The following PCDHA13 variants were observed in gnomAD, a reference collection of about 807,000 sequenced individuals.
PCDHA13 encodes the protein protocadherin alpha-13.
A neutral mutation model predicts 64.8 loss-of-function variants in PCDHA13; 54 were observed. The ratio of observed to expected loss-of-function variants is 0.83; its 90% CI spans 0.67 to 1.04. The LOEUF is 1.04. Ranked by LOEUF, PCDHA13 falls within the 50% of genes least tolerant of loss-of-function variation. The probability of loss-of-function intolerance (pLI) is 0.00; values close to 1 mark genes in which losing one functional copy is unlikely to be tolerated. For synonymous variants in PCDHA13, 587 were observed against 564.4 expected (o/e 1.04, Z -0.57); for missense variants, 1,248 against 1,254.3 (o/e 0.99, Z 0.08).
chr5:140,976,556 T>G (rs2096722872), intron 1 of PCDHA13, among the ~76,000 whole-genome samples: 1 of 151,920 alleles, frequency 6.6e-6, no homozygotes, highest in African/African-American at 2.4e-5. Flanking sequence ...ATCTCATAAA[T>G]AAATAAATAA....
In PCDHA13 at chr5:140,901,962, G is replaced by A. The variant is rs148280805; in HGVS notation, c.2394+17300G>A. The stretch of plus-strand genomic sequence containing the variant: ...ATATTTAGTTTTATTCGTGGCTATC[G>A]TAAATGGGATTACTTTTTAATTTCA... On this transcript the variant is annotated intron_variant, in intron 1 of 3. Coordinates refer to ENST00000289272, the MANE Select transcript of PCDHA13 (RefSeq NM_018904.3). Among the ~76,000 whole-genome samples, 1,226 of 152,004 alleles carry A rather than the reference G, an allele frequency of 8.1e-3. 6 individuals carry two copies. The highest frequency in any genetic ancestry group is 0.019 in the African/African-American group (785 of 41,468).
intron 1 of PCDHA13, chr5:140,927,229 C>G (rs781833160): frequency 1.2e-6 from 2 of 1,614,008 alleles, no homozygotes; most frequent in African/African-American, 1.3e-5. Context: ...GATTCGGATT[C>G]ACGTCCTGGA....
At chr5:141,003,053 C>T (rs1554258899) in intron 3 of PCDHA13, among the ~76,000 whole-genome samples, 3 of 152,206 alleles carry the variant, frequency 2.0e-5, no homozygotes, top group African/African-American at 7.2e-5. Flanking sequence ...CTTAACAGAA[C>T]AGTTCCAAAT....
intron 3 of PCDHA13, among the ~76,000 whole-genome samples, chr5:140,999,234 G>T (rs1327126129): frequency 1.3e-5 from 2 of 152,232 alleles, no homozygotes; most frequent in African/African-American, 4.8e-5. Context: ...AGAATAGGTG[G>T]TTAAAGTGGG....
At chr5:140,919,124 A>G (rs1195742790) in intron 1 of PCDHA13, among the ~76,000 whole-genome samples, 1 of 151,996 alleles carries the variant, frequency 6.6e-6, no homozygotes, top group Non-Finnish European at 1.5e-5. Flanking sequence ...TTTTTGCTTC[A>G]TGTGTTTTGG....
intron 1 of PCDHA13, among the ~76,000 whole-genome samples, chr5:140,952,596 GTT>G (rs1246642070): frequency 6.6e-6 from 1 of 152,136 alleles, no homozygotes; most frequent in Non-Finnish European, 1.5e-5. Flanking sequence ...TCTCTAGGAA[GTT>G]CTAAGCTCTC....
intron 3 of PCDHA13, 116 bp downstream of exon 3, chr5:140,982,679 C>T: frequency 7.0e-7 from 1 of 1,436,546 alleles, no homozygotes; most frequent in Non-Finnish European, 9.2e-7. Flanking sequence ...TTGTTATTCC[C>T]TTTTTTCCAT....
chr5:140,967,775 G>A, intron 1 of PCDHA13: 2 of 1,614,200 alleles, frequency 1.2e-6, no homozygotes, highest in South Asian at 2.2e-5. Context: ...CTATGTGCAG[G>A]CGACTGACCG....
intron 1 of PCDHA13, among the ~76,000 whole-genome samples, chr5:140,934,783 A>C (rs2090034582): frequency 6.6e-6 from 1 of 152,180 alleles, no homozygotes; most frequent in Non-Finnish European, 1.5e-5. Context: ...GGCCCAATCC[A>C]TGTCAATTAT....
At chr5:140,911,271 C>G (rs2075400243) in intron 1 of PCDHA13, among the ~76,000 whole-genome samples, 1 of 152,072 alleles carries the variant, frequency 6.6e-6, no homozygotes, top group Non-Finnish European at 1.5e-5. Flanking sequence ...TCTCAGTGTC[C>G]CCAGCTTCAT....
At chr5:140,962,665 C>T (rs1457197885) in intron 1 of PCDHA13, among the ~76,000 whole-genome samples, 1 of 152,146 alleles carries the variant, frequency 6.6e-6, no homozygotes, top group African/African-American at 2.4e-5. Flanking sequence ...TTTTCATCTT[C>T]CCATCCACTG....
At chr5:141,007,019 A>G (rs1230035062) in intron 3 of PCDHA13, among the ~76,000 whole-genome samples, 1 of 152,192 alleles carries the variant, frequency 6.6e-6, no homozygotes, top group African/African-American at 2.4e-5. Flanking sequence ...CAGCTTATTC[A>G]TATGGTATTT....
intron 1 of PCDHA13, among the ~76,000 whole-genome samples, chr5:140,898,214 T>C (rs1285649893): frequency 1.3e-5 from 2 of 152,238 alleles, no homozygotes; most frequent in African/African-American, 4.8e-5. Flanking sequence ...TTTGTCAATT[T>C]TGGCTTTTGT....
intron 1 of PCDHA13, among the ~76,000 whole-genome samples, chr5:140,952,559 G>A (rs1185999097): frequency 6.6e-6 from 1 of 152,108 alleles, no homozygotes; most frequent in Non-Finnish European, 1.5e-5. Flanking sequence ...TTCACTATCA[G>A]CACTTCGGTC....
chr5:140,883,245 G>C lies in PCDHA13; in HGVS notation c.977G>C (p.Gly326Ala). 1 of 1,614,016 alleles carries C rather than the reference G, an allele frequency of 6.2e-7. No homozygotes were observed. Among genetic ancestry groups the C allele is most frequent in the South Asian group, 1.1e-5 (1 of 91,076 alleles). Reference protein sequence around the residue: ...YEISVEAVDKGNIPMAGHCTL... With the variant: ...YEISVEAVDKANIPMAGHCTL... ...ATATCCGTGGAGGCAGTTGACAAAG[G>C]AAATATTCCAATGGCGGGTCATTGT... The change falls in exon 1 of 4, where the codon GGA becomes GCA. Residue 326 changes from glycine to alanine, a missense_variant. Transcript: ENST00000289272.
intron 3 of PCDHA13, among the ~76,000 whole-genome samples, chr5:140,991,094 A>G (rs144874764): frequency 9.8e-4 from 150 of 152,358 alleles, no homozygotes; most frequent in African/African-American, 3.5e-3. Context: ...ATTAAAGCTC[A>G]TAAGAATTAA....
chr5:140,990,332 T>C (rs1458187543), intron 3 of PCDHA13, among the ~76,000 whole-genome samples: 1 of 152,100 alleles, frequency 6.6e-6, no homozygotes, highest in Non-Finnish European at 1.5e-5. Flanking sequence ...ACTTTAAAAA[T>C]AAGTAAAGCC....
At chr5:140,999,766 A>G (rs1417826824) in intron 3 of PCDHA13, among the ~76,000 whole-genome samples, 2 of 152,180 alleles carry the variant, frequency 1.3e-5, no homozygotes, top group African/African-American at 2.4e-5. Flanking sequence ...TGATGTCTTT[A>G]TACTCTTAAC....
At chr5:140,912,690 A>AG (rs2076029112) in intron 1 of PCDHA13, among the ~76,000 whole-genome samples, 1 of 152,192 alleles carries the variant, frequency 6.6e-6, no homozygotes, top group African/African-American at 2.4e-5. Flanking sequence ...TCCAGGTCTC[A>AG]GGGGGAATGC....
Sources: gnomAD v4.1 joint callset for allele counts (sites outside exome capture counted in the v4.1 genomes callset) on GRCh38, gnomAD v4.1.1 for gene constraint, MANE v1.5 for transcripts, NCBI Gene and HGNC (gene_info 2026-07-23, HGNC 2026-07-21) for gene names.